CERS5: variants seen among roughly 807,000 people sequenced by gnomAD.
CERS5 encodes ceramide synthase 5.
CERS5 carries 37 observed loss-of-function variants against 58.9 expected under a neutral mutation model. The observed-to-expected ratio is 0.63, with a 90% CI of 0.48 to 0.83. CERS5 has a LOEUF of 0.83. Among genes scored for constraint, CERS5 ranks in the 40% least tolerant of loss-of-function variants. The pLI is 0.00. For synonymous variants in CERS5, 147 were observed against 177.8 expected (o/e 0.83, Z 1.38); for missense variants, 398 against 489.3 (o/e 0.81, Z 1.76).
In CERS5 at chr12:50,143,975, T is replaced by C. The variant is rs765084362; in HGVS notation, c.280A>G (p.Lys94Glu). The change falls in exon 2 of 10, where the codon AAG (lysine) becomes GAG (glutamate). Residue 94 changes from lysine to glutamate, a missense_variant. Lys to Glu is a moderately conservative substitution (Grantham distance 56). Transcript: ENST00000317551. ...ACCTTGGTAATAGATATGAACACCT[T>C]TTCAAGGATGGCATTGGGTTGGGCC... is the stretch of plus-strand genomic sequence containing the variant. ...YQAQPNAILE[K>E]VFISITKYPD... The C allele has an allele frequency of 6.2e-7, 1 of 1,609,924 alleles. No homozygotes were observed. The highest frequency in any genetic ancestry group is 8.5e-7 in the Non-Finnish European group (1 of 1,176,236).
intron 1 of CERS5, among the ~76,000 whole-genome samples, chr12:50,155,356 C>G (rs1938447166): frequency 6.6e-6 from 1 of 151,880 alleles, no homozygotes. Flanking sequence ...AGGTATTGCA[C>G]TTTTCAAGAT....
intron 1 of CERS5, among the ~76,000 whole-genome samples, chr12:50,161,465 A>G (rs1239722514): frequency 6.6e-6 from 1 of 152,194 alleles, no homozygotes; most frequent in African/African-American, 2.4e-5. Context: ...TAAATATGCA[A>G]TAATGATATG....
chr12:50,137,899 G>A, intron 5 of CERS5, 79 bp from the exon 6 acceptor site: 17 of 892,024 alleles, frequency 1.9e-5, no homozygotes, highest in Non-Finnish European at 2.9e-5. Flanking sequence ...CTGCCTTGGA[G>A]GACCAATACC....
At chr12:50,161,630 A>C (rs1414940176) in intron 1 of CERS5, among the ~76,000 whole-genome samples, 3 of 151,920 alleles carry the variant, frequency 2.0e-5, no homozygotes, top group African/African-American at 4.8e-5. Flanking sequence ...TATGAAAATT[A>C]GCTGGCTGTG....
In CERS5 at chr12:50,156,437, T is replaced by TATATATATATATATAA. The variant is rs1197474516; in HGVS notation, c.197+10663_197+10664insTTATATATATATATAT. 4.6e-3 allele frequency among the ~76,000 whole-genome samples: 500 copies of TATATATATATATATAA among 108,576 alleles called. 56 individuals carry two copies. Among genetic ancestry groups the TATATATATATATATAA allele is most frequent in the Non-Finnish European group, 7.9e-3 (383 of 48,486 alleles). The allele number at this position is 108,576 out of a possible 152,430, so 71.2% of individuals were successfully genotyped here. On this transcript the variant is annotated intron_variant, in intron 1 of 9. Coordinates refer to ENST00000317551, the MANE Select transcript of CERS5 (RefSeq NM_147190.5). ...CAAACAAACTATATATATATATATA[T>TATATATATATATATAA]AAAACAATTAGTAGCCAGGTGTGGT...
rs1565781307 is a variant in CERS5, at chr12:50,143,197, T to C, written c.311A>G (p.Asp104Gly). Reference sequence around the variant, plus strand: ...TGACAGGCCCTCCAGCCTTTTCTTATCAGGATACTGTGAATGTATAACCAG... The same window carrying C: ...TGACAGGCCCTCCAGCCTTTTCTTACCAGGATACTGTGAATGTATAACCAG... Reference protein sequence around the residue: ...KVFISITKYPDKKRLEGLSKQ... With the variant: ...KVFISITKYPGKKRLEGLSKQ... The change falls in exon 3 of 10, where the codon GAT becomes GGT. Residue 104 changes from aspartate (D) to glycine (G), a missense_variant. Transcript: ENST00000317551. 2 of 1,614,132 alleles carry C rather than the reference T, an allele frequency of 1.2e-6. No homozygotes were observed. Among genetic ancestry groups the C allele is most frequent in the African/African-American group, 1.3e-5 (1 of 75,050 alleles).
At chr12:50,160,549 C>T (rs1939171160) in intron 1 of CERS5, among the ~76,000 whole-genome samples, 1 of 152,052 alleles carries the variant, frequency 6.6e-6, no homozygotes, top group Non-Finnish European at 1.5e-5. Context: ...TCTCAGCTAT[C>T]TCCTGTATAA....
rs140973505 is a variant in CERS5 at position 50,160,529 on chromosome 12, C to T, written c.197+6572G>A. ...GGGGACTGGAATAATGAATAAGCAG[C>T]GGTGAAAGCTCTCAGCTATCTCCTG... On this transcript the variant is annotated intron_variant, in intron 1 of 9. Coordinates refer to ENST00000317551, the MANE Select transcript of CERS5 (RefSeq NM_147190.5). Among the ~76,000 whole-genome samples, 12 of 152,096 alleles carry T rather than the reference C, an allele frequency of 7.9e-5. No individual in the cohort carries two copies. In the East Asian group the frequency reaches 1.5e-3, roughly 20 times the overall value.
chr12:50,145,426 G>A (rs567285051), intron 1 of CERS5, among the ~76,000 whole-genome samples: 1 of 152,202 alleles, frequency 6.6e-6, no homozygotes, highest in South Asian at 2.1e-4. Context: ...AGCATCTTAA[G>A]GAGTCCCATA....
rs1951206987 is a variant in CERS5 at position 50,129,693 on chromosome 12, T to C, written c.*852A>G. On this transcript the variant is annotated 3_prime_UTR_variant, in exon 10 of 10. Transcript: ENST00000317551. ...TCCTACCATGCACAGAAAGGAAAAA[T>C]TTGGTGTCCAGGGCCTTCTGAATCA... is the stretch of plus-strand genomic sequence containing the variant. 6.7e-6 allele frequency: 1 copy of C among 150,050 alleles called. No individual in the cohort carries two copies. The highest frequency in any genetic ancestry group is 2.5e-5 in the African/African-American group (1 of 39,548). 9.3% of individuals were successfully genotyped at this position (150,050 alleles called of 1,614,324 possible). A position where few individuals can be genotyped will look rare whatever the true frequency, so the allele number is the denominator to read the frequency against.
chr12:50,163,343 CG>C (rs1445279681), intron 1 of CERS5, among the ~76,000 whole-genome samples: 6 of 151,960 alleles, frequency 3.9e-5, no homozygotes, highest in Non-Finnish European at 7.4e-5. Flanking sequence ...GGATTACAGG[CG>C]CCCGCCACTA....
At chr12:50,142,418 CG>C (rs1174283000) in intron 3 of CERS5, among the ~76,000 whole-genome samples, 3 of 151,610 alleles carry the variant, frequency 2.0e-5, no homozygotes, top group African/African-American at 7.3e-5. Flanking sequence ...GGCATGGTGG[CG>C]TGCACCTGTA....
chr12:50,137,824 G>T lies in CERS5; in HGVS notation c.544-4C>A. On this transcript the variant is annotated splice_region_variant and splice_polypyrimidine_tract_variant and intron_variant, in intron 5 of 9. Transcript: ENST00000317551. ...GATAAAGCCCACTTGAAAGAGGCTG[G>T]AAGAGAGAAAGAAGTAGTTAGATTA... is the stretch of plus-strand genomic sequence containing the variant. The T allele has an allele frequency of 6.3e-7, 1 of 1,582,382 alleles. No individual in the cohort carries two copies. The highest frequency in any genetic ancestry group is 1.3e-5 in the African/African-American group (1 of 74,244).
chr12:50,162,626 TAG>T (rs985631699), intron 1 of CERS5, among the ~76,000 whole-genome samples: 2 of 151,496 alleles, frequency 1.3e-5, no homozygotes, highest in Non-Finnish European at 2.9e-5. Flanking sequence ...TTTTTTGTGA[TAG>T]AGTCTTGCTC....
At chr12:50,142,802 CTTACATAAGTACAGTTATAAGGAT>C (rs1448212645) in intron 3 of CERS5, among the ~76,000 whole-genome samples, 2 of 152,144 alleles carry the variant, frequency 1.3e-5, no homozygotes, top group African/African-American at 4.8e-5. Flanking sequence ...AGTACATCTA[CTTACATAAGTACAGTTATAAGGAT>C]TTACTCCCAA....
At position 50,144,856 on chromosome 12, in the gene CERS5, C is replaced by G. The variant is rs941930389; in HGVS notation, c.198-799G>C. The G allele has an allele frequency of 2.1e-6, 3 of 1,396,328 alleles. No homozygotes were observed. The African/African-American group carries it at 4.4e-5, about 20-fold the overall frequency. 86.5% of individuals were successfully genotyped at this position (1,396,328 alleles called of 1,614,324 possible). A position where few individuals can be genotyped will look rare whatever the true frequency, so the allele number is the denominator to read the frequency against. The stretch of plus-strand genomic sequence containing the variant: ...TAAATTTTTAAAAAGAATAAAAAAG[C>G]CGGGCGTGGTGGCTCACGCCTGTAA... On this transcript the variant is annotated intron_variant, in intron 1 of 9. Transcript: ENST00000317551.
chr12:50,135,943 C>G lies in CERS5; in HGVS notation c.763G>C (p.Glu255Gln). 1 of 1,545,708 alleles carries G rather than the reference C, an allele frequency of 6.5e-7. No individual in the cohort carries two copies. Among genetic ancestry groups the G allele is most frequent in the Non-Finnish European group, 8.7e-7 (1 of 1,151,954 alleles). The change falls in exon 7 of 10, where the codon GAG becomes CAG. Residue 255 changes from glutamate (E) to glutamine (Q), a missense_variant and splice_region_variant. By Grantham distance (29) the Glu-to-Gln change is conservative (BLOSUM62 2). Coordinates refer to ENST00000317551, the MANE Select transcript of CERS5 (RefSeq NM_147190.5). ...AGAAAGAGAGATTGGGTTTTTACCT[C>G]CAGCAAGAAGTCTGAGACATCATGT... ...CLHDVSDFLL[E>Q]AAKLANYAKY...
chr12:50,142,132 GT>G, intron 3 of CERS5, 22 bp from the exon 4 acceptor site: 1 of 1,546,480 alleles, frequency 6.5e-7, no homozygotes, highest in South Asian at 1.1e-5. Context: ...AAGAGTAAAG[GT>G]TAGACAAATG....
intron 1 of CERS5, among the ~76,000 whole-genome samples, chr12:50,149,438 T>C (rs143073339): frequency 6.6e-6 from 1 of 152,334 alleles, no homozygotes; most frequent in African/African-American, 2.4e-5. Flanking sequence ...GACCTAAGCC[T>C]GGGTTAATTA....
Sources: allele counts gnomAD v4.1 joint callset (sites outside exome capture counted in the v4.1 genomes callset), GRCh38; gene constraint gnomAD v4.1.1; transcripts MANE v1.5; gene names NCBI Gene and HGNC (gene_info 2026-07-23, HGNC 2026-07-21).